NTM: variants seen among roughly 807,000 people sequenced by gnomAD.
The protein encoded by NTM is neurotrimin, also known as IgLON family member 2.
Under a neutral mutation model 42.1 loss-of-function variants are expected in NTM, and 13 were observed. That is an observed-to-expected ratio of 0.31 (90% CI 0.20 to 0.49). The LOEUF (loss-of-function observed/expected upper bound fraction) is 0.49. Ranked by LOEUF, NTM falls within the 20% of genes least tolerant of loss-of-function variation. The pLI is 0.99. For synonymous variants in NTM, 187 were observed against 179.2 expected, an observed-to-expected ratio of 1.04 and a Z score of -0.35; for missense variants, 373 against 452.8, an observed-to-expected ratio of 0.82 and a Z score of 1.60.
At chr11:132,073,985 G>T (rs1319098071) in intron 2 of NTM, among the ~76,000 whole-genome samples, 1 of 152,216 alleles carries the variant, frequency 6.6e-6, no homozygotes, top group East Asian at 1.9e-4. Flanking sequence ...TGGTTGGAAT[G>T]TGTGCTAACA....
At chr11:131,378,294 A>G (rs1942227612) in intron 1 of NTM, among the ~76,000 whole-genome samples, 1 of 152,202 alleles carries the variant, frequency 6.6e-6, no homozygotes, top group African/African-American at 2.4e-5. Context: ...CTAAAATAAA[A>G]CACTTGGACT....
intron 1 of NTM, among the ~76,000 whole-genome samples, chr11:131,389,024 A>AAAAAAAG (rs774146196): frequency 1.3e-3 from 115 of 89,912 alleles, no homozygotes; most frequent in African/African-American, 4.6e-3. Flanking sequence ...AAAAAAAAAA[A>AAAAAAAG]AAAAGAAAAG....
intron 1 of NTM, among the ~76,000 whole-genome samples, chr11:131,679,160 C>G (rs1012577090): frequency 6.6e-6 from 1 of 152,238 alleles, no homozygotes; most frequent in East Asian, 1.9e-4. Context: ...TGGAAGTCAG[C>G]CCCCCTGACA....
Position 131,788,050 on chromosome 11 carries a change from AC to A in NTM, c.83-123513del, listed in dbSNP as rs2089559097. Among the ~76,000 whole-genome samples the A allele has an allele frequency of 2.0e-5, 3 of 152,108 alleles. No individual in the cohort carries two copies. In the South Asian group the frequency reaches 6.2e-4, roughly 32 times the overall value. The stretch of plus-strand genomic sequence containing the variant: ...TTTTCTCTGTTTTCTTCTTCATCAG[AC>A]TCACAAAGGACTTTTCAATGAATTG... On this transcript the variant is annotated intron_variant, in intron 1 of 8. Transcript: ENST00000683400.
chr11:132,068,278 C>A (rs1181093315), intron 2 of NTM, among the ~76,000 whole-genome samples: 1 of 152,138 alleles, frequency 6.6e-6, no homozygotes, highest in East Asian at 1.9e-4. Context: ...TATTTTTGCT[C>A]ACATTTTACT....
chr11:131,645,712 T>G (rs1230632954), intron 1 of NTM, among the ~76,000 whole-genome samples: 2 of 152,236 alleles, frequency 1.3e-5, no homozygotes, highest in Non-Finnish European at 2.9e-5. Flanking sequence ...ATATGTTTTT[T>G]GTTTTCTCCA....
intron 2 of NTM, among the ~76,000 whole-genome samples, chr11:131,965,049 A>AGG (rs1326550794): frequency 6.6e-6 from 1 of 152,010 alleles, no homozygotes; most frequent in African/African-American, 2.4e-5. Flanking sequence ...GGGGAAGAAA[A>AGG]GGGAGGATGT....
chr11:131,986,242 T>A (rs1212722936), intron 2 of NTM, among the ~76,000 whole-genome samples: 1 of 152,180 alleles, frequency 6.6e-6, no homozygotes, highest in East Asian at 1.9e-4. Flanking sequence ...TAGGGATATG[T>A]CTCTGCTGGC....
intron 1 of NTM, among the ~76,000 whole-genome samples, chr11:131,762,703 T>C (rs1281381323): frequency 6.6e-6 from 1 of 152,170 alleles, no homozygotes; most frequent in Non-Finnish European, 1.5e-5. Flanking sequence ...GTCAATTTGT[T>C]CTCCCCAATA....
intron 4 of NTM, among the ~76,000 whole-genome samples, chr11:132,220,131 C>A (rs1454325026): frequency 6.6e-6 from 1 of 152,182 alleles, no homozygotes; most frequent in African/African-American, 2.4e-5. Flanking sequence ...AAGTGGCCAG[C>A]TTCCTGTTCA....
intron 1 of NTM, among the ~76,000 whole-genome samples, chr11:131,690,871 G>A (rs2074583199): frequency 6.6e-6 from 1 of 152,188 alleles, no homozygotes; most frequent in African/African-American, 2.4e-5. Flanking sequence ...TGTCCACCCC[G>A]TCACTTCCCC....
intron 1 of NTM, among the ~76,000 whole-genome samples, chr11:131,653,229 T>C (rs1192345524): frequency 1.3e-5 from 2 of 151,636 alleles, no homozygotes; most frequent in Non-Finnish European, 2.9e-5. Flanking sequence ...AGGTTATCTT[T>C]TTTTTTTCTT....
intron 1 of NTM, among the ~76,000 whole-genome samples, chr11:131,529,221 C>T (rs1591949472): frequency 6.6e-6 from 1 of 152,206 alleles, no homozygotes; most frequent in African/African-American, 2.4e-5. Flanking sequence ...ACCCATCTGC[C>T]CATAAGGGCT....
chr11:131,687,374 C>T (rs1013827602), intron 1 of NTM, among the ~76,000 whole-genome samples: 6 of 152,118 alleles, frequency 3.9e-5, no homozygotes, highest in African/African-American at 9.7e-5. Flanking sequence ...GGCAGGGACA[C>T]GGGACATCAG....
intron 1 of NTM, among the ~76,000 whole-genome samples, chr11:131,416,198 T>C (rs1402508991): frequency 6.6e-6 from 1 of 152,088 alleles, no homozygotes; most frequent in African/African-American, 2.4e-5. Flanking sequence ...TTCATGTTTT[T>C]TTTTTTCTTC....
At chr11:132,034,416 A>C (rs934503881) in intron 2 of NTM, among the ~76,000 whole-genome samples, 1 of 152,186 alleles carries the variant, frequency 6.6e-6, no homozygotes, top group Admixed American at 6.5e-5. Flanking sequence ...ATGTATGTTA[A>C]GTGCATCTGT....
At chr11:131,946,287 C>T (rs2060337616) in intron 2 of NTM, among the ~76,000 whole-genome samples, 1 of 152,044 alleles carries the variant, frequency 6.6e-6, no homozygotes, top group South Asian at 2.1e-4. Context: ...GACATATGTG[C>T]TTTTTAAACA....
intron 2 of NTM, among the ~76,000 whole-genome samples, chr11:132,109,967 G>A (rs950457010): frequency 1.3e-5 from 2 of 152,136 alleles, no homozygotes; most frequent in Non-Finnish European, 2.9e-5. Flanking sequence ...CACCTGACAG[G>A]CTCCTGCTTA....
In NTM at chr11:132,206,862, A is replaced by G. The variant is rs2082062940; in HGVS notation, c.401-5160A>G. Among the ~76,000 whole-genome samples the G allele has an allele frequency of 2.0e-5, 3 of 152,334 alleles. No homozygotes were observed. The East Asian group carries it at 5.8e-4, about 29-fold the overall frequency. On this transcript the variant is annotated intron_variant, in intron 3 of 8. Transcript: ENST00000683400. ...GTTATCCTCCCTCCTAGTAACTCATAGCACTTAAAGTTTGTACTGTTCATT... is the reference window on the plus strand; with the variant it reads ...GTTATCCTCCCTCCTAGTAACTCATGGCACTTAAAGTTTGTACTGTTCATT...
Sources: allele counts gnomAD v4.1 joint callset (sites outside exome capture counted in the v4.1 genomes callset), GRCh38; gene constraint gnomAD v4.1.1; transcripts MANE v1.5; gene names NCBI Gene and HGNC (gene_info 2026-07-23, HGNC 2026-07-21).